The following SLC4A11 variants were observed in gnomAD, a reference collection of about 807,000 sequenced individuals.
SLC4A11 encodes the protein bicarbonate transporter related protein 1.
In SLC4A11, 74 loss-of-function variants were observed where a neutral mutation model predicts 95.0. The observed-to-expected ratio is 0.78, with a 90% CI of 0.65 to 0.95. The LOEUF (loss-of-function observed/expected upper bound fraction) is 0.95. Among genes scored for constraint, SLC4A11 ranks in the 40% least tolerant of loss-of-function variants. SLC4A11 has a pLI of 0.00. For synonymous variants in SLC4A11, 548 were observed against 519.0 expected (o/e 1.06, Z -0.76); for missense variants, 1,081 against 1,192.4 (o/e 0.91, Z 1.38).
At chr20:3,237,663 C>G (rs865914996) in intron 1 of SLC4A11, 75 bp from the exon 2 acceptor site, 1 of 1,614,064 alleles carries the variant, frequency 6.2e-7, no homozygotes. Flanking sequence ...GTCTCCCCGC[C>G]CCCCGACCTG....
rs1385220955 is a variant in SLC4A11 at position 3,231,380 on chromosome 20, T to C, written c.898A>G (p.Arg300Gly). Residue 300 changes from arginine to glycine, a missense_variant, in exon 8 of 20, where the codon AGA becomes GGA. Arg to Gly is a moderately radical substitution (Grantham distance 125, BLOSUM62 -2). Transcript: ENST00000642402. This position sits in a 1 kb window ranked among gnomAD's most constrained non-coding sequence, Gnocchi z 5.2. ...TMVSHGPVAP[R>G]TKERSTVSLP... ...GAGACTGTGCTGCGTTCCTTCGTTC[T>C]CGGCGCCACTGGACCGTGGCTCACC... is the stretch of plus-strand genomic sequence containing the variant. The C allele has an allele frequency of 1.2e-6, 2 of 1,614,076 alleles. No homozygotes were observed. Among genetic ancestry groups the C allele is most frequent in the Non-Finnish European group, 1.7e-6 (2 of 1,180,020 alleles).
chr20:3,233,164 G>A (rs988077369), intron 7 of SLC4A11, among the ~76,000 whole-genome samples: 1 of 152,230 alleles, frequency 6.6e-6, no homozygotes, highest in Non-Finnish European at 1.5e-5. Context: ...CGGCCAGGGG[G>A]TGTGTGGCCC....
rs1252099272 is a variant in SLC4A11, at chr20:3,231,633, T to A, written c.730-85A>T. On this transcript the variant is annotated intron_variant, in intron 7 of 19. Coordinates refer to ENST00000642402, the MANE Select transcript of SLC4A11 (RefSeq NM_001174089.2). The surrounding 1 kb of genome is among the most constrained non-coding windows in gnomAD (Gnocchi z 5.2). ...AGGTGAAGGTGCTCTCCCCATGAAC[T>A]GGCAGCAGGTTTTTTGTCTGTTTGT... 7.9e-7 allele frequency: 1 copy of A among 1,264,844 alleles called. No individual in the cohort carries two copies. 78.4% of individuals were successfully genotyped at this position (1,264,844 alleles called of 1,614,324 possible). A position where few individuals can be genotyped will look rare whatever the true frequency, so the allele number is the denominator to read the frequency against.
upstream of SLC4A11, chr20:3,239,468 C>T: frequency 9.7e-7 from 1 of 1,027,712 alleles, no homozygotes; most frequent in Non-Finnish European, 1.2e-6. Context: ...CCCAGCGTCG[C>T]GAGTTTAGGG....
At chr20:3,233,232 G>A (rs1243398522) in intron 7 of SLC4A11, among the ~76,000 whole-genome samples, 2 of 152,240 alleles carry the variant, frequency 1.3e-5, no homozygotes, top group African/African-American at 4.8e-5. Context: ...TCAAAGAAGG[G>A]CTGGCGGGCG....
intron 1 of SLC4A11, 53 bp downstream of exon 1, chr20:3,239,042 G>A (rs2068075959): frequency 6.8e-7 from 1 of 1,462,162 alleles, no homozygotes; most frequent in East Asian, 3.1e-5. Context: ...ACGGGAGACG[G>A]TGGCGGAGAC....
rs1351031394 is a variant in SLC4A11, at chr20:3,229,225, C to A, written c.1888G>T (p.Ala630Ser). 2 of 1,612,944 alleles carry A rather than the reference C, an allele frequency of 1.2e-6. No individual in the cohort carries two copies. Among genetic ancestry groups the A allele is most frequent in the Non-Finnish European group, 1.7e-6 (2 of 1,180,010 alleles). ...GACAGCGACTGGATCTGCGCCATCGCAAAGGGGCTCTCGCTGGGGTTGTAG... is the reference window on the plus strand; with the variant it reads ...GACAGCGACTGGATCTGCGCCATCGAAAAGGGGCTCTCGCTGGGGTTGTAG... The part of the protein sequence containing the change: ...FRYNPSESPF[A>S]MAQIQSLSLR... Residue 630 changes from alanine (A) to serine (S), a missense_variant, in exon 16 of 20, where the codon GCG becomes TCG. This residue lies in a region of SLC4A11 where 767 missense variants were observed against 858.0 expected (regional missense o/e 0.89). Transcript: ENST00000642402.
intron 7 of SLC4A11, among the ~76,000 whole-genome samples, chr20:3,232,203 G>A (rs2067804725): frequency 6.6e-6 from 1 of 152,244 alleles, no homozygotes; most frequent in African/African-American, 2.4e-5. Context: ...TGCACTGTCT[G>A]CTGGTTTGAC....
chr20:3,227,772 G>A lies in SLC4A11; in HGVS notation c.*15C>T, dbSNP rs2067578243. ...GTGGAGGGCTGGCGAATGGGGCGTGGGCAGGGTCTGCCAGTCAAGGCCTGT... is the reference window on the plus strand; with the variant it reads ...GTGGAGGGCTGGCGAATGGGGCGTGAGCAGGGTCTGCCAGTCAAGGCCTGT... On this transcript the variant is annotated 3_prime_UTR_variant, in exon 20 of 20. Coordinates refer to ENST00000642402, the MANE Select transcript of SLC4A11 (RefSeq NM_001174089.2). 2 of 1,612,394 alleles carry A rather than the reference G, an allele frequency of 1.2e-6. No individual in the cohort carries two copies. The highest frequency in any genetic ancestry group is 2.2e-5 in the East Asian group (1 of 44,876).
chr20:3,238,938 C>G, intron 1 of SLC4A11, 157 bp downstream of exon 1: 1 of 1,262,430 alleles, frequency 7.9e-7, no homozygotes, highest in Non-Finnish European at 1.0e-6. Flanking sequence ...GCACCCGCGC[C>G]CTCCTCCCCG....
chr20:3,231,271 C>T lies in SLC4A11; in HGVS notation c.949-29G>A. 1 of 1,613,528 alleles carries T rather than the reference C, an allele frequency of 6.2e-7. No individual in the cohort carries two copies. Among genetic ancestry groups the T allele is most frequent in the Admixed American group, 1.7e-5 (1 of 60,022 alleles). ...GAGGAGAGGACAGAGCGCCTGTTAG[C>T]CCTGTCCGGCCCATGCCCCCGCCGA... is the stretch of plus-strand genomic sequence containing the variant. On this transcript the variant is annotated intron_variant, in intron 8 of 19. Coordinates refer to ENST00000642402, the MANE Select transcript of SLC4A11 (RefSeq NM_001174089.2). This position sits in a 1 kb window ranked among gnomAD's most constrained non-coding sequence, Gnocchi z 5.2.
Position 3,230,269 on chromosome 20 carries a change from A to G in SLC4A11, c.1416-9T>C, listed in dbSNP as rs1310503842. The G allele has an allele frequency of 6.2e-7, 1 of 1,613,422 alleles. No homozygotes were observed. Among genetic ancestry groups the G allele is most frequent in the Non-Finnish European group, 8.5e-7 (1 of 1,179,998 alleles). On this transcript the variant is annotated splice_polypyrimidine_tract_variant and intron_variant, in intron 12 of 19. Transcript: ENST00000642402. ...TGATCTCCTCCGTCGACCTGCCAGG[A>G]GGCCATGAGCCTCATCAGAGTGGGT...
rs2067570169 is a variant in SLC4A11, at chr20:3,227,494, C to G, written c.*293G>C. 1 of 470,402 alleles carries G rather than the reference C, an allele frequency of 2.1e-6. No homozygotes were observed. Among genetic ancestry groups the G allele is most frequent in the East Asian group, 3.8e-5 (1 of 25,996 alleles). The allele number at this position is 470,402 out of a possible 1,614,324, so 29.1% of individuals were successfully genotyped here. ...TTACACAATCAAGGAAATGGTTTCT[C>G]TTTCAGGCATCGACTCTTTTATCAA... On this transcript the variant is annotated 3_prime_UTR_variant, in exon 20 of 20. Coordinates refer to ENST00000642402, the MANE Select transcript of SLC4A11 (RefSeq NM_001174089.2).
At chr20:3,232,359 T>G (rs2122572698) in intron 7 of SLC4A11, among the ~76,000 whole-genome samples, 1 of 152,364 alleles carries the variant, frequency 6.6e-6, no homozygotes, top group East Asian at 1.9e-4. Flanking sequence ...GCCCGTCTGT[T>G]GCTCAAAGCT....
In SLC4A11 at chr20:3,230,635, A is replaced by G. The variant is rs200367480; in HGVS notation, c.1295T>C (p.Ile432Thr). Reference sequence around the variant, plus strand: ...GAAGTCCAGGTCATAGTCATCACAGATGACACGAATCACTGCAGGCAGGGG... The same window carrying G: ...GAAGTCCAGGTCATAGTCATCACAGGTGACACGAATCACTGCAGGCAGGGG... ...LALYIQVIRV[I>T]CDDYDLDFNS... The change falls in exon 12 of 20, where the codon ATC becomes ACC. Residue 432 changes from isoleucine to threonine, a missense_variant. By Grantham distance (89) the Ile-to-Thr change is moderately conservative. Coordinates refer to ENST00000642402, the MANE Select transcript of SLC4A11 (RefSeq NM_001174089.2). 54 of 1,613,372 alleles carry G rather than the reference A, an allele frequency of 3.3e-5. No individual in the cohort carries two copies. Among genetic ancestry groups the G allele is most frequent in the Non-Finnish European group, 4.2e-5 (50 of 1,179,970 alleles).
intron 1 of SLC4A11, chr20:3,238,847 G>A: frequency 8.2e-7 from 1 of 1,214,394 alleles, no homozygotes; most frequent in Non-Finnish European, 1.0e-6. Context: ...GTTCAAACCT[G>A]GTAAGAAATT....
Position 3,229,754 on chromosome 20 carries a change from C to A in SLC4A11, c.1512G>T (p.Gly504=), listed in dbSNP as rs2122527525. Residue 504 remains glycine, a synonymous_variant, in exon 14 of 20, where the codon GGG becomes GGT. Coordinates refer to ENST00000642402, the MANE Select transcript of SLC4A11 (RefSeq NM_001174089.2). ...TTGTGTGATAGTCGTCCAAGTAATG[C>A]CCATAGTAGTACTTCCAGAAGACTG... ...TVKIFWKYYY[G]HYLDDYHTKR... The A allele has an allele frequency of 2.5e-6, 4 of 1,613,928 alleles. No individual in the cohort carries two copies. Among genetic ancestry groups the A allele is most frequent in the Non-Finnish European group, 3.4e-6 (4 of 1,179,988 alleles).
In SLC4A11 at chr20:3,231,172, A is replaced by G; in HGVS notation, c.1019T>C (p.Leu340Ser). The G allele has an allele frequency of 6.2e-7, 1 of 1,614,148 alleles. No homozygotes were observed. ...IREDIARRFP[L>S]YPLDFTDGII... Reference sequence around the variant, plus strand: ...ACCATCAGTGAAGTCCAAGGGGTACAAGGGGAACCTGCGTGCGATGTCCTC... The same window carrying G: ...ACCATCAGTGAAGTCCAAGGGGTACGAGGGGAACCTGCGTGCGATGTCCTC... Residue 340 changes from leucine to serine, a missense_variant, in exon 9 of 20, where the codon TTG (leucine) becomes TCG (serine). By Grantham distance (145) the Leu-to-Ser change is moderately radical. This residue lies in a region of SLC4A11 where 767 missense variants were observed against 858.0 expected (regional missense o/e 0.89). Coordinates refer to ENST00000642402, the MANE Select transcript of SLC4A11 (RefSeq NM_001174089.2). This position sits in a 1 kb window ranked among gnomAD's most constrained non-coding sequence, Gnocchi z 5.2.
chr20:3,230,630 C>T lies in SLC4A11; in HGVS notation c.1300G>A (p.Asp434Asn), dbSNP rs772286850. Residue 434 changes from aspartate (D) to asparagine (N), a missense_variant, in exon 12 of 20, where the codon GAT becomes AAT. This residue lies in a region of SLC4A11 where 767 missense variants were observed against 858.0 expected (regional missense o/e 0.89). Coordinates refer to ENST00000642402, the MANE Select transcript of SLC4A11 (RefSeq NM_001174089.2). ...GAGTTGAAGTCCAGGTCATAGTCAT[C>T]ACAGATGACACGAATCACTGCAGGC... ...LYIQVIRVIC[D>N]DYDLDFNSFY... The T allele has an allele frequency of 9.9e-6, 16 of 1,613,532 alleles. No homozygotes were observed. The highest frequency in any genetic ancestry group is 1.4e-5 in the Non-Finnish European group (16 of 1,179,996).
Sources: allele counts gnomAD v4.1 joint callset (sites outside exome capture counted in the v4.1 genomes callset), GRCh38; gene constraint gnomAD v4.1.1; regional missense constraint gnomAD v4.1.1; non-coding constraint Gnocchi (gnomAD v3.1); transcripts MANE v1.5; gene names NCBI Gene and HGNC (gene_info 2026-07-23, HGNC 2026-07-21).